Variants in NID2 observed in about 807,000 individuals in gnomAD.
NID2 encodes nidogen 2.
NID2 carries 83 observed loss-of-function variants against 145.4 expected under a neutral mutation model. The ratio of observed to expected loss-of-function variants is 0.57; its 90% confidence interval spans 0.48 to 0.69. NID2 has a LOEUF of 0.69. NID2 is among the 30% of genes least tolerant of loss of function. NID2 has a pLI of 0.00. For missense variants in NID2, 1,807 were observed against 1,765.7 expected (o/e 1.02, Z -0.42); for synonymous variants, 739 against 701.3 (o/e 1.05, Z -0.85).
At chr14:52,056,536 C>T (rs1233855779) in intron 3 of NID2, among the ~76,000 whole-genome samples, 1 of 152,092 alleles carries the variant, frequency 6.6e-6, no homozygotes, top group African/African-American at 2.4e-5. Flanking sequence ...TGGTTCATGC[C>T]TGAAATCCCA....
chr14:52,053,880 G>T lies in NID2; in HGVS notation c.1128C>A (p.Gly376=). Residue 376 remains glycine, a synonymous_variant, in exon 5 of 22, where the codon GGC becomes GGA. Coordinates refer to ENST00000216286, the MANE Select transcript of NID2 (RefSeq NM_007361.4). ...KEGTSLGEVG[G]PDLKGQVEPW... ...GCTCAACTTGGCCTTTTAAATCTGG[G>T]CCCCCTACCTCTCCCAGAGATGTTC... 6.2e-7 allele frequency: 1 copy of T among 1,614,052 alleles called. No individual in the cohort carries two copies. Among genetic ancestry groups the T allele is most frequent in the Non-Finnish European group, 8.5e-7 (1 of 1,179,964 alleles).
At position 52,066,321 on chromosome 14, in the gene NID2, C is replaced by CAAA. The variant is rs34875276; in HGVS notation, c.534+1534_534+1536dup. ...GAAGGTGGACACAGTTAACGGGTACCAAAAAAAAAAAAATAGAAGGAATGA... is the reference window on the plus strand; with the variant it reads ...GAAGGTGGACACAGTTAACGGGTACCAAAAAAAAAAAAAAAATAGAAGGAATGA... On this transcript the variant is annotated intron_variant, in intron 2 of 21. Coordinates refer to ENST00000216286, the MANE Select transcript of NID2 (RefSeq NM_007361.4). 3.2e-3 allele frequency among the ~76,000 whole-genome samples: 432 copies of CAAA among 133,838 alleles called. 1 individual carries two copies. Among genetic ancestry groups the CAAA allele is most frequent in the African/African-American group, 0.01 (382 of 36,524 alleles). The allele number at this position is 133,838 out of a possible 152,430, so 87.8% of individuals were successfully genotyped here.
Position 52,029,696 on chromosome 14 carries a change from T to C in NID2, c.2258-6A>G. On this transcript the variant is annotated splice_polypyrimidine_tract_variant and splice_region_variant and intron_variant, in intron 9 of 21. Coordinates refer to ENST00000216286, the MANE Select transcript of NID2 (RefSeq NM_007361.4). ...CGGAGTGGGGTCTGAATCCTCTGCA[T>C]GAGTAGAGGGGAAATAAAAGCACAA... The C allele has an allele frequency of 6.2e-7, 1 of 1,612,438 alleles. No homozygotes were observed. Among genetic ancestry groups the C allele is most frequent in the Non-Finnish European group, 8.5e-7 (1 of 1,178,676 alleles).
intron 13 of NID2, among the ~76,000 whole-genome samples, chr14:52,019,711 C>T (rs1353898064): frequency 6.6e-6 from 1 of 152,168 alleles, no homozygotes; most frequent in Non-Finnish European, 1.5e-5. Context: ...ACGGTCGCCA[C>T]GGGCTTAACC....
intron 14 of NID2, among the ~76,000 whole-genome samples, chr14:52,018,501 A>C (rs547060885): frequency 6.6e-6 from 1 of 152,238 alleles, no homozygotes; most frequent in Non-Finnish European, 1.5e-5. Context: ...AACAGAAACC[A>C]GATGTCTGTG....
intron 2 of NID2, among the ~76,000 whole-genome samples, chr14:52,064,982 T>C (rs1340513402): frequency 6.6e-6 from 1 of 152,134 alleles, no homozygotes; most frequent in East Asian, 1.9e-4. Flanking sequence ...ATGTCTCCCA[T>C]CAATAAGTAT....
At chr14:52,029,034 A>T (rs542310140) in intron 10 of NID2, among the ~76,000 whole-genome samples, 184 bp from the exon 11 acceptor site, 5 of 152,366 alleles carry the variant, frequency 3.3e-5, no homozygotes, top group African/African-American at 1.2e-4. Flanking sequence ...TAAAAATTTC[A>T]TGCCATTCAA....
intron 11 of NID2, among the ~76,000 whole-genome samples, chr14:52,028,285 G>T (rs2357309): frequency 0.98 from 148,328 of 151,432 alleles, 72,695 homozygotes; most frequent in Non-Finnish European, 1. Context: ...TTTTTTTTTT[G>T]TTTTTTTGAG....
intron 5 of NID2, among the ~76,000 whole-genome samples, chr14:52,052,523 G>A (rs1217841970): frequency 2.6e-5 from 4 of 152,170 alleles, no homozygotes; most frequent in Admixed American, 2.0e-4. Flanking sequence ...ATTCAAACTC[G>A]AAGCCGACAC....
At position 52,038,818 on chromosome 14, in the gene NID2, A is replaced by T. The variant is rs1892168483; in HGVS notation, c.2186T>A (p.Val729Asp). ...TTCTTCGTCATTATACAAGGCAAAG[A>T]CCCGGTCCACGTTCAGCTGCTGGGT... ...PTTQQLNVDR[V>D]FALYNDEERV... Residue 729 changes from valine (V) to aspartate (D), a missense_variant, in exon 9 of 22, where the codon GTC becomes GAC. Coordinates refer to ENST00000216286, the MANE Select transcript of NID2 (RefSeq NM_007361.4). 13 of 1,613,676 alleles carry T rather than the reference A, an allele frequency of 8.1e-6. No individual in the cohort carries two copies. The highest frequency in any genetic ancestry group is 1.6e-4 in the Middle Eastern group (1 of 6,062).
intron 13 of NID2, 114 bp from the exon 14 acceptor site, chr14:52,019,408 G>T: frequency 1.4e-6 from 1 of 740,000 alleles, no homozygotes; most frequent in Non-Finnish European, 2.1e-6. Flanking sequence ...TGGAGCCCGA[G>T]ATTCTTATTT....
intron 3 of NID2, among the ~76,000 whole-genome samples, chr14:52,056,561 CA>C (rs1892850900): frequency 6.6e-6 from 1 of 152,100 alleles, no homozygotes; most frequent in Non-Finnish European, 1.5e-5. Flanking sequence ...TTTGGGAAAT[CA>C]AGGTGGGCGG....
chr14:52,061,215 A>G (rs1893012051), intron 2 of NID2, among the ~76,000 whole-genome samples: 1 of 152,166 alleles, frequency 6.6e-6, no homozygotes, highest in Non-Finnish European at 1.5e-5. Context: ...AAAGCCTCCT[A>G]ACCTTCAAAT....
intron 11 of NID2, among the ~76,000 whole-genome samples, chr14:52,028,278 T>G (rs1427035409): frequency 3.1e-5 from 1 of 31,946 alleles, no homozygotes; most frequent in East Asian, 2.5e-3. Flanking sequence ...TTGTTGTTTT[T>G]TTTTTTGTTT....
At position 52,011,586 on chromosome 14, in the gene NID2, A is replaced by C. The variant is rs752291758; in HGVS notation, c.3518T>G (p.Leu1173Arg). Residue 1173 changes from leucine to arginine, a missense_variant, in exon 17 of 22, where the codon CTG becomes CGG. Coordinates refer to ENST00000216286, the MANE Select transcript of NID2 (RefSeq NM_007361.4). ...GRTISRAGLE[L>R]GAEPETIVNS... ...CACGATCGTCTCAGGCTCTGCTCCC[A>C]GTTCCAGACCAGCACGGCTGATTGT... is the stretch of plus-strand genomic sequence containing the variant. 6.2e-7 allele frequency: 1 copy of C among 1,614,200 alleles called. No individual in the cohort carries two copies. The highest frequency in any genetic ancestry group is 1.1e-5 in the South Asian group (1 of 91,082).
chr14:52,014,145 C>G (rs769459154), intron 16 of NID2, 142 bp downstream of exon 16: 1 of 1,004,700 alleles, frequency 1.0e-6, no homozygotes, highest in Non-Finnish European at 1.5e-6. Flanking sequence ...GTGGTGGCAT[C>G]GGGCCCATGC....
In NID2 at chr14:52,053,883, C is replaced by T. The variant is rs777234801; in HGVS notation, c.1125G>A (p.Gly375=). 8.1e-6 allele frequency: 13 copies of T among 1,613,966 alleles called. No homozygotes were observed. Among genetic ancestry groups the T allele is most frequent in the South Asian group, 3.3e-5 (3 of 91,080 alleles). ...TKEGTSLGEV[G]GPDLKGQVEP... is the part of the protein sequence containing the mutation. ...CAACTTGGCCTTTTAAATCTGGGCC[C>T]CCTACCTCTCCCAGAGATGTTCCTT... is the stretch of plus-strand genomic sequence containing the variant. Residue 375 remains glycine, a synonymous_variant, in exon 5 of 22, where the codon GGG becomes GGA. Coordinates refer to ENST00000216286, the MANE Select transcript of NID2 (RefSeq NM_007361.4).
chr14:52,019,342 T>C (rs765369534), intron 13 of NID2, 48 bp from the exon 14 acceptor site: 9 of 1,449,132 alleles, frequency 6.2e-6, no homozygotes, highest in African/African-American at 4.2e-5. Flanking sequence ...ATAGAAGGCA[T>C]TGCAACCCAT....
At chr14:52,036,294 CCTTCA>C (rs1892067450) in intron 9 of NID2, among the ~76,000 whole-genome samples, 1 of 152,134 alleles carries the variant, frequency 6.6e-6, no homozygotes, top group South Asian at 2.1e-4. Context: ...TCACTGACTA[CCTTCA>C]CTTAAGGTTT....
Sources: allele counts gnomAD v4.1 joint callset (sites outside exome capture counted in the v4.1 genomes callset), GRCh38; gene constraint gnomAD v4.1.1; transcripts MANE v1.5; gene names NCBI Gene and HGNC (gene_info 2026-07-23, HGNC 2026-07-21).